The following ICA1 variants were observed in gnomAD, a reference collection of about 807,000 sequenced individuals.
The protein encoded by ICA1 is 69 kDa islet cell autoantigen.
ICA1 carries 40 observed loss-of-function variants against 71.0 expected under a neutral mutation model. That is an observed-to-expected ratio of 0.56 (90% CI 0.44 to 0.73). The LOEUF is 0.73. ICA1 is among the 30% of genes least tolerant of loss of function. ICA1 has a pLI of 0.00. For missense variants in ICA1, 578 were observed against 576.5 expected (o/e 1.00, Z -0.03); for synonymous variants, 207 against 209.5 (o/e 0.99, Z 0.10).
At chr7:8,116,654 G>C (rs1455672155) in intron 13 of ICA1, 1 of 152,164 alleles carries the variant, frequency 6.6e-6, no homozygotes, top group Non-Finnish European at 1.5e-5. Context: ...GTGCTCTAAG[G>C]AAAGCAGGTG....
chr7:8,253,298 A>T (rs1327160338), intron 1 of ICA1, among the ~76,000 whole-genome samples: 1 of 152,182 alleles, frequency 6.6e-6, no homozygotes, highest in Non-Finnish European at 1.5e-5. Flanking sequence ...CTACAAAATG[A>T]TTGTACTCCA....
chr7:8,145,835 T>A (rs1455524279), intron 8 of ICA1, among the ~76,000 whole-genome samples: 1 of 150,610 alleles, frequency 6.6e-6, no homozygotes, highest in Non-Finnish European at 1.5e-5. Context: ...ATTTCATAAT[T>A]TAAAAAAGGC....
chr7:8,159,808 C>G (rs998625506), intron 6 of ICA1, among the ~76,000 whole-genome samples: 3 of 152,164 alleles, frequency 2.0e-5, no homozygotes, highest in Admixed American at 6.5e-5. Flanking sequence ...CATATTTTGG[C>G]TAGAGAAAAC....
chr7:8,197,920 G>C (rs1788251126), intron 6 of ICA1, among the ~76,000 whole-genome samples: 1 of 152,214 alleles, frequency 6.6e-6, no homozygotes, highest in African/African-American at 2.4e-5. Flanking sequence ...TGATAGGATG[G>C]AATGGATGTT....
intron 6 of ICA1, among the ~76,000 whole-genome samples, chr7:8,188,874 G>C (rs1784672867): frequency 6.6e-6 from 1 of 152,170 alleles, no homozygotes; most frequent in Non-Finnish European, 1.5e-5. Flanking sequence ...CTATCTTTCA[G>C]TGACGCAAAG....
intron 6 of ICA1, among the ~76,000 whole-genome samples, chr7:8,162,382 T>C (rs1248774047): frequency 6.6e-6 from 1 of 152,222 alleles, no homozygotes; most frequent in Non-Finnish European, 1.5e-5. Flanking sequence ...GCCCTTTCCC[T>C]GCCAAACAGG....
chr7:8,212,241 T>G (rs1794029992), intron 6 of ICA1, among the ~76,000 whole-genome samples: 1 of 151,994 alleles, frequency 6.6e-6, no homozygotes, highest in South Asian at 2.1e-4. Context: ...TATCGACACT[T>G]CTCTACAGAA....
At chr7:8,243,013 C>T (rs1804558251) in intron 1 of ICA1, among the ~76,000 whole-genome samples, 1 of 152,228 alleles carries the variant, frequency 6.6e-6, no homozygotes, top group Admixed American at 6.5e-5. Context: ...ACCATTTCTT[C>T]TGAAACTATT....
At chr7:8,202,191 C>G (rs747107288) in intron 6 of ICA1, among the ~76,000 whole-genome samples, 1 of 152,222 alleles carries the variant, frequency 6.6e-6, no homozygotes, top group Non-Finnish European at 1.5e-5. Context: ...CCCCATCATG[C>G]TGCTCATGAA....
At chr7:8,196,175 T>C (rs999072021) in intron 6 of ICA1, among the ~76,000 whole-genome samples, 2 of 152,108 alleles carry the variant, frequency 1.3e-5, no homozygotes, top group South Asian at 4.1e-4. Flanking sequence ...TATTTAGTAC[T>C]AAAAGGAAAT....
intron 6 of ICA1, among the ~76,000 whole-genome samples, chr7:8,162,322 A>G (rs915370194): frequency 6.6e-6 from 1 of 152,256 alleles, no homozygotes; most frequent in Non-Finnish European, 1.5e-5. Flanking sequence ...TTTGTATGTC[A>G]ACAATGATTA....
chr7:8,115,940 G>C (rs1784665037), intron 13 of ICA1, among the ~76,000 whole-genome samples: 1 of 152,218 alleles, frequency 6.6e-6, no homozygotes, highest in African/African-American at 2.4e-5. Context: ...GCAAACCTCA[G>C]AGGCCTTTCA....
chr7:8,113,842 T>A lies in ICA1; in HGVS notation c.*81A>T. On this transcript the variant is annotated 3_prime_UTR_variant, in exon 14 of 14. Transcript: ENST00000402384. This position sits in a 1 kb window ranked among gnomAD's most constrained non-coding sequence, Gnocchi z 4.2. ...ATGGCACATAATTATTAAAACAGCATACTGATCACTTTATACTTCTGCTAG... is the reference window on the plus strand; with the variant it reads ...ATGGCACATAATTATTAAAACAGCAAACTGATCACTTTATACTTCTGCTAG... The A allele has an allele frequency of 1.4e-6, 2 of 1,450,168 alleles. No individual in the cohort carries two copies. Among genetic ancestry groups the A allele is most frequent in the Non-Finnish European group, 1.9e-6 (2 of 1,033,920 alleles). The allele number at this position is 1,450,168 out of a possible 1,614,324, so 89.8% of individuals were successfully genotyped here.
At chr7:8,248,643 A>G (rs80012250) in intron 1 of ICA1, among the ~76,000 whole-genome samples, 6,811 of 152,194 alleles carry the variant, frequency 0.045, 171 homozygotes, top group Admixed American at 0.063. Context: ...TTGAGCCAGG[A>G]AGGTGGAAGT....
At chr7:8,233,566 G>A (rs1157473023) in intron 2 of ICA1, among the ~76,000 whole-genome samples, 5 of 151,824 alleles carry the variant, frequency 3.3e-5, no homozygotes, top group African/African-American at 1.2e-4. Flanking sequence ...GCTACTTTTT[G>A]TATGTTTTTA....
At chr7:8,252,358 G>A (rs1808468081) in intron 1 of ICA1, among the ~76,000 whole-genome samples, 1 of 152,198 alleles carries the variant, frequency 6.6e-6, no homozygotes, top group Non-Finnish European at 1.5e-5. Context: ...AGGTCTAAAT[G>A]TTATCCTTAT....
intron 6 of ICA1, among the ~76,000 whole-genome samples, chr7:8,194,125 C>T (rs1022218226): frequency 2.6e-5 from 4 of 152,180 alleles, no homozygotes; most frequent in Non-Finnish European, 5.9e-5. Flanking sequence ...ATGCCTGGAA[C>T]AGAACTATTC....
chr7:8,137,448 G>C (rs1263354029), intron 12 of ICA1, among the ~76,000 whole-genome samples: 1 of 152,144 alleles, frequency 6.6e-6, no homozygotes, highest in Non-Finnish European at 1.5e-5. Context: ...ACCTAGGTTT[G>C]TTCTATTATT....
intron 1 of ICA1, among the ~76,000 whole-genome samples, chr7:8,261,427 G>T (rs1463131358): frequency 1.3e-5 from 2 of 152,158 alleles, no homozygotes; most frequent in Non-Finnish European, 2.9e-5. Context: ...GGAGTCAGCA[G>T]CGCCCAAAGG....
Sources: allele counts gnomAD v4.1 joint callset (sites outside exome capture counted in the v4.1 genomes callset), GRCh38; gene constraint gnomAD v4.1.1; non-coding constraint Gnocchi (gnomAD v3.1); transcripts MANE v1.5; gene names NCBI Gene and HGNC (gene_info 2026-07-23, HGNC 2026-07-21).